The following ERICH1 variants were observed in gnomAD, a reference collection of about 807,000 sequenced individuals.
ERICH1 encodes glutamate-rich protein 1.
A neutral mutation model predicts 39.6 loss-of-function variants in ERICH1; 56 were observed. The observed-to-expected ratio is 1.41, with a 90% CI of 1.14 to 1.77. The LOEUF is 1.77. ERICH1 is among the 40% of genes most tolerant of loss of function. The pLI, the probability that ERICH1 is intolerant of heterozygous loss-of-function variation, is 0.00. For synonymous variants in ERICH1, 313 were observed against 223.6 expected, an observed-to-expected ratio of 1.40 and a Z score of -3.57; for missense variants, 826 against 575.4, an observed-to-expected ratio of 1.44 and a Z score of -4.45.
intron 2 of ERICH1, among the ~76,000 whole-genome samples, chr8:693,399 A>C: frequency 6.6e-6 from 1 of 152,368 alleles, no homozygotes. Flanking sequence ...TTAAATCTGC[A>C]TACTTTTAAT....
chr8:713,674 T>C (rs1815275595), intron 2 of ERICH1, among the ~76,000 whole-genome samples: 1 of 152,086 alleles, frequency 6.6e-6, no homozygotes, highest in Non-Finnish European at 1.5e-5. Flanking sequence ...TCAGAGTCAA[T>C]GGAGATCTGA....
chr8:699,665 G>A (rs1054449285), intron 2 of ERICH1, among the ~76,000 whole-genome samples: 5 of 151,924 alleles, frequency 3.3e-5, no homozygotes, highest in Non-Finnish European at 4.4e-5. Flanking sequence ...ACAGGAGCAC[G>A]TACAGACCCG....
chr8:701,361 G>A (rs188567676), intron 2 of ERICH1, among the ~76,000 whole-genome samples: 2 of 151,606 alleles, frequency 1.3e-5, no homozygotes, highest in Non-Finnish European at 2.9e-5. Context: ...GGTCTACCCT[G>A]CTGGACGGGA....
chr8:711,840 C>T (rs1814813423), intron 2 of ERICH1, among the ~76,000 whole-genome samples: 1 of 152,162 alleles, frequency 6.6e-6, no homozygotes, highest in African/African-American at 2.4e-5. Context: ...GGTTTAAGGT[C>T]TGTGTCTATA....
At chr8:701,386 C>T (rs1278674218) in intron 2 of ERICH1, among the ~76,000 whole-genome samples, 1 of 152,082 alleles carries the variant, frequency 6.6e-6, no homozygotes, top group African/African-American at 2.4e-5. Flanking sequence ...GCCATACCTA[C>T]GGGTCTGCCC....
chr8:640,857 A>C (rs1798896639), intron 3 of ERICH1: 2 of 152,360 alleles, frequency 1.3e-5, no homozygotes, highest in South Asian at 4.1e-4. Context: ...GACAATTGAA[A>C]ATATTAGAAA....
At chr8:645,127 G>T (rs1395257335) in intron 3 of ERICH1, among the ~76,000 whole-genome samples, 1 of 69,016 alleles carries the variant, frequency 1.4e-5, no homozygotes, top group African/African-American at 3.7e-5. Context: ...AGTTTCGCTG[G>T]CCCCGGTTGA....
intron 2 of ERICH1, among the ~76,000 whole-genome samples, chr8:708,681 G>GTTTTTTGTTTTGTTTTTTTTTTTTTTT: frequency 1.5e-5 from 1 of 65,816 alleles, no homozygotes. Flanking sequence ...GGGATAATGA[G>GTTTTTTGTTTTGTTTTTTTTTTTTTTT]TTTTTTTTTT....
intron 2 of ERICH1, among the ~76,000 whole-genome samples, chr8:703,229 T>C (rs1205986993): frequency 2.0e-5 from 3 of 151,942 alleles, no homozygotes; most frequent in African/African-American, 7.3e-5. Flanking sequence ...GTCAGTAAGA[T>C]ACAGATGAAG....
At chr8:707,110 G>T (rs1813449796) in intron 2 of ERICH1, among the ~76,000 whole-genome samples, 1 of 152,042 alleles carries the variant, frequency 6.6e-6, no homozygotes, top group African/African-American at 2.4e-5. Context: ...AAACAAGATG[G>T]TGGATGGTAC....
At chr8:635,809 A>G (rs192168647) in intron 3 of ERICH1, among the ~76,000 whole-genome samples, 5 of 152,142 alleles carry the variant, frequency 3.3e-5, no homozygotes, top group African/African-American at 1.2e-4. Context: ...TGCGTGCTGC[A>G]CCCCACAGCA....
chr8:692,519 C>G lies in ERICH1; in HGVS notation c.263G>C (p.Cys88Ser), dbSNP rs1244619166. 2.5e-6 allele frequency: 4 copies of G among 1,613,970 alleles called. No individual in the cohort carries two copies. The highest frequency in any genetic ancestry group is 2.5e-6 in the Non-Finnish European group (3 of 1,180,006). ...GCTGGAGGCGTTCTCGGGGCTCCCA[C>G]AGCTGCTGGGCTCCGGCCAACAGGG... ...YVPCWPEPSS[C>S]GSPENASSGD... Residue 88 changes from cysteine (C) to serine (S), a missense_variant, in exon 3 of 6, where the codon TGT becomes TCT. Coordinates refer to ENST00000262109, the MANE Select transcript of ERICH1 (RefSeq NM_207332.3).
chr8:651,601 A>G (rs1331651022), intron 3 of ERICH1, among the ~76,000 whole-genome samples: 1 of 151,630 alleles, frequency 6.6e-6, no homozygotes, highest in Non-Finnish European at 1.5e-5. Context: ...AGCTGGGGGC[A>G]GGGGAAACAG....
intron 2 of ERICH1, among the ~76,000 whole-genome samples, chr8:707,539 T>G (rs964176701): frequency 6.6e-6 from 1 of 152,172 alleles, no homozygotes; most frequent in Admixed American, 6.5e-5. Context: ...CTAAGTCCAC[T>G]TGATGGGGAA....
intron 2 of ERICH1, among the ~76,000 whole-genome samples, chr8:708,541 C>G (rs775836877): frequency 6.6e-6 from 1 of 152,072 alleles, no homozygotes; most frequent in Non-Finnish European, 1.5e-5. Context: ...TGAAAAAACC[C>G]AGACACAAAG....
chr8:731,122 C>A lies in ERICH1; in HGVS notation c.22+18G>T. 6.6e-7 allele frequency: 1 copy of A among 1,508,260 alleles called. No individual in the cohort carries two copies. The highest frequency in any genetic ancestry group is 2.7e-5 in the East Asian group (1 of 36,570). The allele number at this position is 1,508,260 out of a possible 1,614,324, so 93.4% of individuals were successfully genotyped here. ...CGGGTCTGGGGTCTGGGCAGGCCTC[C>A]GCACCGCACCCACCTACCGTGCTTC... On this transcript the variant is annotated intron_variant, in intron 1 of 5. Transcript: ENST00000262109.
At chr8:687,725 T>C (rs556236382) in intron 3 of ERICH1, among the ~76,000 whole-genome samples, 2 of 151,988 alleles carry the variant, frequency 1.3e-5, no homozygotes, top group Non-Finnish European at 2.9e-5. Context: ...CTGCGGCCAG[T>C]GCCCGCCGCG....
Position 668,656 on chromosome 8 carries a change from A to G in ERICH1, c.1200T>C (p.Asp400=), listed in dbSNP as rs1242390972. 1 of 1,614,218 alleles carries G rather than the reference A, an allele frequency of 6.2e-7. No individual in the cohort carries two copies. The highest frequency in any genetic ancestry group is 8.5e-7 in the Non-Finnish European group (1 of 1,180,050). Residue 400 remains aspartate (D), a synonymous_variant, in exon 5 of 6, where the codon GAT becomes GAC. Transcript: ENST00000262109. ...YHMKTLLLLQ[D]TERLKHALEM... ...CCAGAGCATGCTTCAATCTCTCAGT[A>G]TCTTGCAGGAGCAGCAGCGTTTTCA...
intron 2 of ERICH1, among the ~76,000 whole-genome samples, chr8:701,851 G>A (rs536397080): frequency 2.0e-5 from 3 of 152,160 alleles, no homozygotes; most frequent in African/African-American, 7.2e-5. Flanking sequence ...CAGCACTTTG[G>A]GAGGCTGAGG....
Sources: gnomAD v4.1 joint callset for allele counts (sites outside exome capture counted in the v4.1 genomes callset) on GRCh38, gnomAD v4.1.1 for gene constraint, MANE v1.5 for transcripts, NCBI Gene and HGNC (gene_info 2026-07-23, HGNC 2026-07-21) for gene names.